The following RELN variants were observed in gnomAD, a reference collection of about 807,000 sequenced individuals.
RELN encodes reelin.
RELN carries 108 observed loss-of-function variants against 427.6 expected under a neutral mutation model. The observed-to-expected ratio is 0.25, with a 90% CI of 0.22 to 0.30. The LOEUF (loss-of-function observed/expected upper bound fraction) is 0.30. Among genes scored for constraint, RELN ranks in the 10% least tolerant of loss-of-function variants. The pLI is 1.00. For missense variants in RELN, 3,715 were observed against 4,302.8 expected, an observed-to-expected ratio of 0.86 and a Z score of 3.82; for synonymous variants, 1,524 against 1,513.4, an observed-to-expected ratio of 1.01 and a Z score of -0.16.
intron 8 of RELN, among the ~76,000 whole-genome samples, chr7:103,709,596 T>C (rs1584425237): frequency 6.6e-6 from 1 of 152,174 alleles, no homozygotes; most frequent in East Asian, 1.9e-4. Context: ...CAGCCTCTAC[T>C]ACTACCCATG....
chr7:103,598,503 G>A (rs917696430), intron 24 of RELN, among the ~76,000 whole-genome samples: 2 of 152,178 alleles, frequency 1.3e-5, no homozygotes, highest in African/African-American at 4.8e-5. Flanking sequence ...ATGTGGAAAT[G>A]AGCCAGAAGG....
rs1207623619 is a variant in RELN, at chr7:103,486,284, G to A, written c.9896C>T (p.Ala3299Val). ...GVIGSGCGQL[A>V]PYAHGDSLYF... ...CAGTGAGTCTCCATGGGCGTAGGGG[G>A]CCAGCTGCCCACAGCCACTTCCTAT... is the stretch of plus-strand genomic sequence containing the variant. Residue 3299 changes from alanine to valine, a missense_variant, in exon 61 of 65, where the codon GCC (alanine) becomes GTC (valine). Coordinates refer to ENST00000428762, the MANE Select transcript of RELN (RefSeq NM_005045.4). 8 of 1,614,150 alleles carry A rather than the reference G, an allele frequency of 5.0e-6. No homozygotes were observed. The highest frequency in any genetic ancestry group is 2.2e-5 in the East Asian group (1 of 44,882).
rs34093844 is a variant in RELN, at chr7:103,801,726, T to TAA, written c.474-25101_474-25100dup. 1.7e-3 allele frequency among the ~76,000 whole-genome samples: 239 copies of TAA among 144,840 alleles called. 1 individual carries two copies. The highest frequency in any genetic ancestry group is 5.2e-3 in the African/African-American group (208 of 39,726). On this transcript the variant is annotated intron_variant, in intron 3 of 64. Coordinates refer to ENST00000428762, the MANE Select transcript of RELN (RefSeq NM_005045.4). ...CACATGTACCCTAGAACTTAAAGTA[T>TAA]AAAAAAAAAAAAGTGACAACCTCTC...
Position 103,989,423 on chromosome 7 carries a change from C to T in RELN, c.-67G>A, listed in dbSNP as rs1346521027. The T allele has an allele frequency of 4.6e-6, 6 of 1,311,032 alleles. No individual in the cohort carries two copies. Among genetic ancestry groups the T allele is most frequent in the Non-Finnish European group, 5.9e-6 (6 of 1,018,668 alleles). The allele number at this position is 1,311,032 out of a possible 1,614,324, so 81.2% of individuals were successfully genotyped here. A position where few individuals can be genotyped will look rare whatever the true frequency, so the allele number is the denominator to read the frequency against. Reference sequence around the variant, plus strand: ...CTCGCTCATTCAGTTTTGGAGACGCCGGGACGGAGGAGCCACGCGGAGAGA... The same window carrying T: ...CTCGCTCATTCAGTTTTGGAGACGCTGGGACGGAGGAGCCACGCGGAGAGA... On this transcript the variant is annotated 5_prime_UTR_variant, in exon 1 of 65. Coordinates refer to ENST00000428762, the MANE Select transcript of RELN (RefSeq NM_005045.4). This position sits in a 1 kb window ranked among gnomAD's most constrained non-coding sequence, Gnocchi z 4.9.
At chr7:103,842,328 AG>A (rs1414517024) in intron 2 of RELN, among the ~76,000 whole-genome samples, 1 of 152,086 alleles carries the variant, frequency 6.6e-6, no homozygotes, top group Non-Finnish European at 1.5e-5. Flanking sequence ...TAAATGAAAA[AG>A]AAAAAATGAA....
At chr7:103,927,932 G>C (rs893634069) in intron 1 of RELN, among the ~76,000 whole-genome samples, 5 of 152,104 alleles carry the variant, frequency 3.3e-5, no homozygotes, top group African/African-American at 1.2e-4. Flanking sequence ...GCTGGCTTTA[G>C]TATTCCTCAT....
At chr7:103,488,826 T>C (rs1475463300) in intron 60 of RELN, among the ~76,000 whole-genome samples, 1 of 152,222 alleles carries the variant, frequency 6.6e-6, no homozygotes, top group East Asian at 1.9e-4. Flanking sequence ...GGAATAATTA[T>C]ATTAACCATA....
Position 103,963,523 on chromosome 7 carries a change from CA to C in RELN, c.226+25607del, listed in dbSNP as rs773412915. On this transcript the variant is annotated intron_variant, in intron 1 of 64. Transcript: ENST00000428762. ...CTTGTGGATTTCAACCATCCCTGGG[CA>C]GATTTAGGGGGGCTGTGGTCAGGAT... Among the ~76,000 whole-genome samples, 253 of 152,198 alleles carry C rather than the reference CA, an allele frequency of 1.7e-3. 1 individual carries two copies. Among genetic ancestry groups the C allele is most frequent in the Non-Finnish European group, 2.4e-3 (166 of 68,010 alleles).
At chr7:103,779,519 C>T (rs547499596) in intron 3 of RELN, among the ~76,000 whole-genome samples, 1 of 152,268 alleles carries the variant, frequency 6.6e-6, no homozygotes, top group Admixed American at 6.5e-5. Flanking sequence ...TACTCTTATC[C>T]ATTTTTCCTC....
At chr7:103,566,924 A>C (rs546064937) in intron 31 of RELN, among the ~76,000 whole-genome samples, 165 bp from the exon 32 acceptor site, 1 of 151,674 alleles carries the variant, frequency 6.6e-6, no homozygotes, top group East Asian at 1.9e-4. Flanking sequence ...AAGGCTCATC[A>C]ATTTTTTGAT....
At position 103,763,016 on chromosome 7, in the gene RELN, T is replaced by G. The variant is rs578140396; in HGVS notation, c.545-9802A>C. 9.2e-5 allele frequency among the ~76,000 whole-genome samples: 14 copies of G among 152,308 alleles called. No homozygotes were observed. In the East Asian group the frequency reaches 2.3e-3, roughly 25 times the overall value. Reference sequence around the variant, plus strand: ...TACAGAAATAGAAGAGTTCATAACTTTAAAAGAACACATATTATTCAGGAG... The same window carrying G: ...TACAGAAATAGAAGAGTTCATAACTGTAAAAGAACACATATTATTCAGGAG... On this transcript the variant is annotated intron_variant, in intron 4 of 64. Coordinates refer to ENST00000428762, the MANE Select transcript of RELN (RefSeq NM_005045.4).
intron 2 of RELN, among the ~76,000 whole-genome samples, chr7:103,834,696 G>C (rs960488582): frequency 6.6e-6 from 1 of 152,054 alleles, no homozygotes; most frequent in East Asian, 1.9e-4. Flanking sequence ...CATATGAAAA[G>C]ATATTCAGGA....
chr7:103,900,309 A>G, intron 2 of RELN, among the ~76,000 whole-genome samples: 1 of 152,182 alleles, frequency 6.6e-6, no homozygotes, highest in East Asian at 1.9e-4. Context: ...ACACAAACAA[A>G]TGGAATAACA....
At chr7:103,984,453 G>C (rs1797055908) in intron 1 of RELN, among the ~76,000 whole-genome samples, 3 of 152,168 alleles carry the variant, frequency 2.0e-5, no homozygotes, top group Middle Eastern at 6.9e-3. Context: ...TAGTAATGTA[G>C]GAATGAATGA....
intron 1 of RELN, among the ~76,000 whole-genome samples, chr7:103,978,417 G>T (rs947537961): frequency 5.3e-5 from 8 of 152,162 alleles, no homozygotes; most frequent in African/African-American, 1.9e-4. Flanking sequence ...TTTTTAGGCT[G>T]AATAGTATTC....
At chr7:103,515,760 T>C (rs1310417473) in intron 49 of RELN, among the ~76,000 whole-genome samples, 1 of 152,190 alleles carries the variant, frequency 6.6e-6, no homozygotes, top group Non-Finnish European at 1.5e-5. Context: ...CTAGAGTATA[T>C]GCACTTTGGT....
In RELN at chr7:103,917,163, A is replaced by G. The variant is rs2116670664; in HGVS notation, c.249T>C (p.Phe83=). The G allele has an allele frequency of 2.5e-6, 4 of 1,613,728 alleles. No homozygotes were observed. The highest frequency in any genetic ancestry group is 3.4e-6 in the Non-Finnish European group (4 of 1,179,724). The change falls in exon 2 of 65, where the codon TTT becomes TTC. Residue 83 remains phenylalanine (F), a synonymous_variant. Transcript: ENST00000428762. ...GTCCTGTCACCAGCAAGCCGTCAAA[A>G]AAGGTGCTTGTTGAAATTGTCACTG... is the stretch of plus-strand genomic sequence containing the variant. ...EYHVTISTST[F]FDGLLVTGLY... is the part of the protein sequence containing the mutation.
At chr7:103,798,138 T>C (rs1481934378) in intron 3 of RELN, among the ~76,000 whole-genome samples, 1 of 152,210 alleles carries the variant, frequency 6.6e-6, no homozygotes, top group Non-Finnish European at 1.5e-5. Flanking sequence ...TCACTGCCTT[T>C]GCCAAATAAA....
At chr7:103,900,156 A>G (rs1026202836) in intron 2 of RELN, among the ~76,000 whole-genome samples, 1 of 151,924 alleles carries the variant, frequency 6.6e-6, no homozygotes, top group East Asian at 1.9e-4. Context: ...AACCAATAAC[A>G]CAAACAGAAA....
Sources: allele counts gnomAD v4.1 joint callset (sites outside exome capture counted in the v4.1 genomes callset), GRCh38; gene constraint gnomAD v4.1.1; non-coding constraint Gnocchi (gnomAD v3.1); transcripts MANE v1.5; gene names NCBI Gene and HGNC (gene_info 2026-07-23, HGNC 2026-07-21).